AIG1: variants seen among roughly 807,000 people sequenced by gnomAD.
AIG1 encodes the protein androgen-induced gene 1 protein.
AIG1 carries 23 observed loss-of-function variants against 31.4 expected under a neutral mutation model. The ratio of observed to expected loss-of-function variants is 0.73; its 90% CI spans 0.53 to 1.04. The LOEUF (loss-of-function observed/expected upper bound fraction) is 1.04. Among genes scored for constraint, AIG1 ranks in the 50% least tolerant of loss-of-function variants. The probability of loss-of-function intolerance (pLI) is 0.00; values close to 1 mark genes in which losing one functional copy is unlikely to be tolerated. For synonymous variants in AIG1, 100 were observed against 110.5 expected (o/e 0.90, Z 0.60); for missense variants, 274 against 295.0 (o/e 0.93, Z 0.52).
intron 2 of AIG1, among the ~76,000 whole-genome samples, chr6:143,151,819 G>A (rs940466070): frequency 6.6e-6 from 1 of 152,224 alleles, no homozygotes; most frequent in Non-Finnish European, 1.5e-5. Context: ...AAGGGAAGCC[G>A]AATTCTGGGT....
At chr6:143,303,900 A>C (rs1325910915) in intron 4 of AIG1, among the ~76,000 whole-genome samples, 1 of 147,870 alleles carries the variant, frequency 6.8e-6, no homozygotes, top group South Asian at 2.2e-4. Context: ...CTTTTATTTC[A>C]TTGAGCAGTG....
intron 3 of AIG1, among the ~76,000 whole-genome samples, chr6:143,278,383 A>G (rs772587790): frequency 2.0e-5 from 3 of 151,840 alleles, no homozygotes; most frequent in Non-Finnish European, 4.4e-5. Flanking sequence ...TGAAAAGTTT[A>G]TTCCCTCTGA....
intron 3 of AIG1, chr6:143,190,676 A>G (rs1419088093): frequency 1.1e-6 from 1 of 892,468 alleles, no homozygotes; most frequent in East Asian, 1.2e-4. Context: ...GACTTTCTCA[A>G]CCTGTATTCT....
intron 1 of AIG1, among the ~76,000 whole-genome samples, chr6:143,089,222 A>AC (rs1779081875): frequency 6.6e-6 from 1 of 152,012 alleles, no homozygotes; most frequent in South Asian, 2.1e-4. Flanking sequence ...AAAAGAAAAA[A>AC]AAAAAGACTG....
chr6:143,130,378 T>C (rs1336910962), intron 1 of AIG1, among the ~76,000 whole-genome samples: 1 of 152,116 alleles, frequency 6.6e-6, no homozygotes, highest in Non-Finnish European at 1.5e-5. Context: ...GAAAAAAGTG[T>C]TCCCTACTGT....
At chr6:143,271,481 T>C (rs1796524904) in intron 3 of AIG1, among the ~76,000 whole-genome samples, 2 of 152,192 alleles carry the variant, frequency 1.3e-5, no homozygotes, top group Non-Finnish European at 2.9e-5. Flanking sequence ...ACATAATTGC[T>C]CTTATTGCTG....
At chr6:143,113,231 G>A (rs1046304521) in intron 1 of AIG1, among the ~76,000 whole-genome samples, 2 of 151,706 alleles carry the variant, frequency 1.3e-5, no homozygotes. Flanking sequence ...GAAAAAAGGC[G>A]TTTGCCTTTA....
At chr6:143,255,029 C>A (rs58289411) in intron 3 of AIG1, among the ~76,000 whole-genome samples, 4,691 of 152,184 alleles carry the variant, frequency 0.031, 249 homozygotes, top group African/African-American at 0.1. Context: ...ACAGTGAGAA[C>A]CTGTCTCAAA....
chr6:143,284,895 AT>A lies in AIG1; in HGVS notation c.515+672del, dbSNP rs1797585525. On this transcript the variant is annotated intron_variant, in intron 4 of 5. Coordinates refer to ENST00000357847, the MANE Select transcript of AIG1 (RefSeq NM_016108.4). The surrounding 1 kb of genome is among the most constrained non-coding windows in gnomAD (Gnocchi z 4.4). Reference sequence around the variant, plus strand: ...TTATCAGGTTTTTAACACTTCAAAAATTATTTATCTTAACATAGAGAATTTC... The same window carrying A: ...TTATCAGGTTTTTAACACTTCAAAAATATTTATCTTAACATAGAGAATTTC... Among the ~76,000 whole-genome samples, 2 of 152,190 alleles carry A rather than the reference AT, an allele frequency of 1.3e-5. No homozygotes were observed.
intron 2 of AIG1, among the ~76,000 whole-genome samples, chr6:143,137,199 G>A (rs750486136): frequency 1.3e-5 from 2 of 152,108 alleles, no homozygotes; most frequent in Non-Finnish European, 2.9e-5. Context: ...TTGTCCACAG[G>A]GTTCGTTTCT....
chr6:143,154,095 C>CA (rs1018351955), intron 2 of AIG1, among the ~76,000 whole-genome samples: 3 of 151,738 alleles, frequency 2.0e-5, no homozygotes, highest in African/African-American at 7.3e-5. Flanking sequence ...ACTCCCCTCG[C>CA]AAAAAAGTTA....
chr6:143,239,942 A>G (rs1261644657), intron 3 of AIG1, among the ~76,000 whole-genome samples: 1 of 152,248 alleles, frequency 6.6e-6, no homozygotes, highest in Non-Finnish European at 1.5e-5. Flanking sequence ...AGCTCCCTGT[A>G]ATTAGATGTA....
rs1777086991 is a variant in AIG1 at position 143,331,701 on chromosome 6, A to G, written c.516-1581A>G. 6.6e-6 allele frequency among the ~76,000 whole-genome samples: 1 copy of G among 151,792 alleles called. No homozygotes were observed. Among genetic ancestry groups the G allele is most frequent in the Non-Finnish European group, 1.5e-5 (1 of 67,970 alleles). On this transcript the variant is annotated intron_variant, in intron 4 of 5. Transcript: ENST00000357847. The surrounding 1 kb of genome is among the most constrained non-coding windows in gnomAD (Gnocchi z 4.1). ...GTGTGTATCTGTGCTTTCTACATAA[A>G]AAGTGCAAAATTGTTTTACCACCAA...
chr6:143,279,346 A>G lies in AIG1; in HGVS notation c.400-4764A>G, dbSNP rs2128675491. On this transcript the variant is annotated intron_variant, in intron 3 of 5. Transcript: ENST00000357847. This position sits in a 1 kb window ranked among gnomAD's most constrained non-coding sequence, Gnocchi z 5.4. ...CCTCATTTTACAAAGAATAATACTA[A>G]GCTTCACACATGTGTGAGAACCTGC... 6.6e-6 allele frequency among the ~76,000 whole-genome samples: 1 copy of G among 152,314 alleles called. No homozygotes were observed. The highest frequency in any genetic ancestry group is 2.4e-5 in the African/African-American group (1 of 41,570).
chr6:143,150,665 C>T (rs1295945664), intron 2 of AIG1, among the ~76,000 whole-genome samples: 3 of 152,004 alleles, frequency 2.0e-5, no homozygotes, highest in African/African-American at 7.2e-5. Flanking sequence ...TGATGAACCA[C>T]ATTTGTGCTT....
chr6:143,210,351 A>C (rs533951230), intron 3 of AIG1, among the ~76,000 whole-genome samples: 1 of 152,296 alleles, frequency 6.6e-6, no homozygotes, highest in East Asian at 1.9e-4. Flanking sequence ...GGTCTTAGTA[A>C]ATGCTTCTTG....
chr6:143,294,457 A>C (rs561868103), intron 4 of AIG1, among the ~76,000 whole-genome samples: 2 of 152,144 alleles, frequency 1.3e-5, no homozygotes, highest in Non-Finnish European at 2.9e-5. Context: ...TGCCATATGA[A>C]CTGGGCCAAG....
At chr6:143,286,598 C>T (rs772294070) in intron 4 of AIG1, among the ~76,000 whole-genome samples, 2 of 152,090 alleles carry the variant, frequency 1.3e-5, no homozygotes, top group South Asian at 2.1e-4. Context: ...CCGACATACC[C>T]GTGACACAAC....
chr6:143,159,153 A>G (rs1211534725), intron 2 of AIG1, among the ~76,000 whole-genome samples: 1 of 152,240 alleles, frequency 6.6e-6, no homozygotes, highest in East Asian at 1.9e-4. Flanking sequence ...AAAGGAGGGG[A>G]AGAGCATTCC....
Sources: gnomAD v4.1 joint callset for allele counts (sites outside exome capture counted in the v4.1 genomes callset) on GRCh38, gnomAD v4.1.1 for gene constraint, Gnocchi (gnomAD v3.1) non-coding constraint, MANE v1.5 for transcripts, NCBI Gene and HGNC (gene_info 2026-07-23, HGNC 2026-07-21) for gene names.